The following CAMK1D variants were observed in gnomAD, a reference collection of about 807,000 sequenced individuals.
CAMK1D encodes calcium/calmodulin dependent protein kinase ID.
CAMK1D carries 9 observed loss-of-function variants against 47.7 expected under a neutral mutation model. The ratio of observed to expected loss-of-function variants is 0.19; its 90% confidence interval spans 0.11 to 0.33. The LOEUF (loss-of-function observed/expected upper bound fraction) is 0.33, where lower values mean the gene tolerates loss of function less well. Among genes scored for constraint, CAMK1D ranks in the 10% least tolerant of loss-of-function variants. The probability of loss-of-function intolerance (pLI) is 1.00; values close to 1 mark genes in which losing one functional copy is unlikely to be tolerated. For synonymous variants in CAMK1D, 184 were observed against 184.9 expected (o/e 0.99, Z 0.04); for missense variants, 291 against 488.7 (o/e 0.60, Z 3.81).
chr10:12,794,037 C>T (rs73576038), intron 6 of CAMK1D, among the ~76,000 whole-genome samples: 3,226 of 152,222 alleles, frequency 0.021, 42 homozygotes, highest in African/African-American at 0.041. Context: ...ATCTGATTTA[C>T]GTTCGAGTAT....
chr10:12,684,544 C>CT (rs1178767683), intron 3 of CAMK1D, among the ~76,000 whole-genome samples: 1 of 152,056 alleles, frequency 6.6e-6, no homozygotes, highest in Non-Finnish European at 1.5e-5. Context: ...AATTCATGAT[C>CT]TAAATACTAA....
Position 12,469,001 on chromosome 10 carries a change from C to T in CAMK1D, c.93-84224C>T, listed in dbSNP as rs146439098. ...TCAGCAGTCTACATAGCGTCCTGCCCGGGCAAGGTGGGGGATTCACATGGA... is the reference window on the plus strand; with the variant it reads ...TCAGCAGTCTACATAGCGTCCTGCCTGGGCAAGGTGGGGGATTCACATGGA... On this transcript the variant is annotated intron_variant, in intron 1 of 10. Coordinates refer to ENST00000619168, the MANE Select transcript of CAMK1D (RefSeq NM_153498.4). 1.6e-3 allele frequency among the ~76,000 whole-genome samples: 239 copies of T among 152,188 alleles called. 1 individual carries two copies. The highest frequency in any genetic ancestry group is 5.6e-3 in the African/African-American group (233 of 41,502).
intron 2 of CAMK1D, among the ~76,000 whole-genome samples, chr10:12,571,390 A>G (rs1344804216): frequency 7.1e-6 from 1 of 140,758 alleles, no homozygotes; most frequent in Non-Finnish European, 1.5e-5. Flanking sequence ...TGGAGGTTGC[A>G]GTGAGCTGAG....
intron 1 of CAMK1D, among the ~76,000 whole-genome samples, chr10:12,463,543 T>G (rs1443750516): frequency 6.6e-6 from 1 of 152,226 alleles, no homozygotes; most frequent in Admixed American, 6.5e-5. Flanking sequence ...ATGCAACAAC[T>G]TATCTTTTTA....
chr10:12,515,944 A>G (rs965796013), intron 1 of CAMK1D, among the ~76,000 whole-genome samples: 2 of 151,770 alleles, frequency 1.3e-5, no homozygotes, highest in African/African-American at 4.8e-5. Context: ...AATACTCTTA[A>G]CAGTATACAG....
chr10:12,694,340 T>A lies in CAMK1D; in HGVS notation c.299+27530T>A, dbSNP rs867189043. On this transcript the variant is annotated intron_variant, in intron 3 of 10. Coordinates refer to ENST00000619168, the MANE Select transcript of CAMK1D (RefSeq NM_153498.4). ...AATATAATATATAAAGTATATATAA[T>A]ATATAACATATATATGTTATATGTT... Among the ~76,000 whole-genome samples, 128 of 85,714 alleles carry A rather than the reference T, an allele frequency of 1.5e-3. 18 individuals carry two copies. The highest frequency in any genetic ancestry group is 5.6e-3 in the African/African-American group (113 of 20,318). The allele number at this position is 85,714 out of a possible 152,430, so 56.2% of individuals were successfully genotyped here.
intron 2 of CAMK1D, among the ~76,000 whole-genome samples, chr10:12,574,404 C>T (rs1002382640): frequency 2.0e-5 from 3 of 149,634 alleles, no homozygotes; most frequent in Admixed American, 6.7e-5. Context: ...TAGGTTCAAG[C>T]GATTCTCATG....
At chr10:12,534,270 C>T (rs1166229704) in intron 1 of CAMK1D, among the ~76,000 whole-genome samples, 10 of 152,280 alleles carry the variant, frequency 6.6e-5, no homozygotes, top group African/African-American at 2.2e-4. Context: ...AGTGCAGTGG[C>T]GCAATCTCGG....
intron 1 of CAMK1D, among the ~76,000 whole-genome samples, chr10:12,538,257 C>T (rs1836043237): frequency 6.6e-6 from 1 of 152,178 alleles, no homozygotes; most frequent in South Asian, 2.1e-4. Context: ...CATTTACCCT[C>T]AGGAAAGATG....
chr10:12,621,491 A>T (rs1838994606), intron 2 of CAMK1D, among the ~76,000 whole-genome samples: 1 of 152,190 alleles, frequency 6.6e-6, no homozygotes, highest in Non-Finnish European at 1.5e-5. Context: ...ATGTTTTCTT[A>T]GATTTATACC....
intron 5 of CAMK1D, among the ~76,000 whole-genome samples, chr10:12,777,020 C>T (rs1168490454): frequency 6.6e-6 from 1 of 152,078 alleles, no homozygotes; most frequent in Non-Finnish European, 1.5e-5. Flanking sequence ...AACTTTTAGC[C>T]AGTAGGCAAA....
intron 2 of CAMK1D, among the ~76,000 whole-genome samples, chr10:12,647,099 C>A (rs1268393793): frequency 6.7e-6 from 1 of 148,412 alleles, no homozygotes; most frequent in Non-Finnish European, 1.5e-5. Context: ...CCTCAGCCTC[C>A]CAAAGTGCTG....
intron 2 of CAMK1D, among the ~76,000 whole-genome samples, chr10:12,558,851 C>T (rs1431022332): frequency 6.6e-6 from 1 of 152,116 alleles, no homozygotes; most frequent in Non-Finnish European, 1.5e-5. Context: ...ATTGTCTTGC[C>T]TTGGGGAAGT....
At chr10:12,696,358 G>A (rs1317607463) in intron 3 of CAMK1D, among the ~76,000 whole-genome samples, 1 of 152,054 alleles carries the variant, frequency 6.6e-6, no homozygotes, top group Admixed American at 6.6e-5. Flanking sequence ...CCAACAAGGC[G>A]AAACCCCGTC....
In CAMK1D at chr10:12,550,960, G is replaced by A. The variant is rs541076305; in HGVS notation, c.93-2265G>A. ...TAAAACATGCATTTAGCGTCCCTTG[G>A]ATTGTGACAGAGTGTGCATTGCTGT... On this transcript the variant is annotated intron_variant, in intron 1 of 10. Transcript: ENST00000619168. Among the ~76,000 whole-genome samples, 3 of 152,312 alleles carry A rather than the reference G, an allele frequency of 2.0e-5. No individual in the cohort carries two copies. The South Asian group carries it at 6.2e-4, about 32-fold the overall frequency.
intron 3 of CAMK1D, among the ~76,000 whole-genome samples, chr10:12,743,896 G>A (rs1015009600): frequency 1.3e-5 from 2 of 152,066 alleles, no homozygotes; most frequent in African/African-American, 2.4e-5. Flanking sequence ...GGTAGCACAC[G>A]CCTGTAATCC....
chr10:12,788,662 C>T (rs1837841252), intron 5 of CAMK1D, among the ~76,000 whole-genome samples: 2 of 152,204 alleles, frequency 1.3e-5, no homozygotes, highest in East Asian at 1.9e-4. Context: ...GGAGAGCATG[C>T]CTCCTAAATC....
intron 3 of CAMK1D, among the ~76,000 whole-genome samples, chr10:12,751,113 TAAGATAAGATAAG>T (rs1407297365): frequency 2.4e-5 from 2 of 81,938 alleles, no homozygotes; most frequent in Non-Finnish European, 5.1e-5. Context: ...TAAGATAAGA[TAAGATAAGATAAG>T]AAGGCTTCAG....
At chr10:12,528,810 T>C (rs1564393496) in intron 1 of CAMK1D, among the ~76,000 whole-genome samples, 1 of 151,610 alleles carries the variant, frequency 6.6e-6, no homozygotes, top group Non-Finnish European at 1.5e-5. Context: ...GATATGATCA[T>C]GGCTCATTGC....
Sources: allele counts gnomAD v4.1 joint callset (sites outside exome capture counted in the v4.1 genomes callset), GRCh38; gene constraint gnomAD v4.1.1; transcripts MANE v1.5; gene names NCBI Gene and HGNC (gene_info 2026-07-23, HGNC 2026-07-21).